The following SRC variants were observed in gnomAD, a reference collection of about 807,000 sequenced individuals.
SRC encodes the protein SRC proto-oncogene, non-receptor tyrosine kinase.
SRC carries 13 observed loss-of-function variants against 62.9 expected under a neutral mutation model. The observed-to-expected ratio is 0.21, with a 90% CI of 0.13 to 0.33. The LOEUF is 0.33. Ranked by LOEUF, SRC falls within the 10% of genes least tolerant of loss-of-function variation. SRC has a pLI of 1.00. For synonymous variants in SRC, 302 were observed against 317.5 expected (o/e 0.95, Z 0.52); for missense variants, 457 against 737.3 (o/e 0.62, Z 4.40).
rs2070764440 is a variant in SRC at position 37,402,967 on chromosome 20, T to C, written c.1402+87T>C. 7 of 1,504,362 alleles carry C rather than the reference T, an allele frequency of 4.7e-6. No homozygotes were observed. The highest frequency in any genetic ancestry group is 2.8e-5 in the African/African-American group (2 of 71,500). The allele number at this position is 1,504,362 out of a possible 1,614,324, so 93.2% of individuals were successfully genotyped here. A position where few individuals can be genotyped will look rare whatever the true frequency, so the allele number is the denominator to read the frequency against. ...CAAGTCATGACTCCTGCTGGGCCTG[T>C]TTCCCCACCCGTAAAACAAAGAAGT... On this transcript the variant is annotated intron_variant, in intron 13 of 13. Coordinates refer to ENST00000373578, the MANE Select transcript of SRC (RefSeq NM_198291.3). This position sits in a 1 kb window ranked among gnomAD's most constrained non-coding sequence, Gnocchi z 6.2.
intron 1 of SRC, among the ~76,000 whole-genome samples, chr20:37,350,144 C>T (rs1231766692): frequency 2.0e-5 from 3 of 152,202 alleles, no homozygotes; most frequent in Non-Finnish European, 4.4e-5. Context: ...CCTTCCCCTC[C>T]ATGGCCCCCA....
chr20:37,372,816 A>C (rs1008873591), intron 2 of SRC, among the ~76,000 whole-genome samples: 4 of 152,054 alleles, frequency 2.6e-5, no homozygotes, highest in Admixed American at 6.6e-5. Flanking sequence ...AGAAAAAAAA[A>C]CACCCTTACC....
At chr20:37,385,284 C>T (rs980589938) in intron 4 of SRC, among the ~76,000 whole-genome samples, 1 of 152,198 alleles carries the variant, frequency 6.6e-6, no homozygotes, top group Non-Finnish European at 1.5e-5. Context: ...CAGGCGTGGA[C>T]CCTTCAGACG....
chr20:37,368,987 G>A (rs769675270), intron 2 of SRC, among the ~76,000 whole-genome samples: 20 of 152,172 alleles, frequency 1.3e-4, no homozygotes, highest in Non-Finnish European at 2.4e-4. Context: ...TGGCACCCTT[G>A]CATAAAATCA....
chr20:37,348,156 C>T (rs556158669), intron 1 of SRC, among the ~76,000 whole-genome samples: 5 of 152,308 alleles, frequency 3.3e-5, no homozygotes, highest in East Asian at 1.9e-4. Flanking sequence ...GCCCTTGCCC[C>T]GCCAGGCTTA....
rs929682222 is a variant in SRC, at chr20:37,396,039, G to T, written c.554-123G>T. On this transcript the variant is annotated intron_variant, in intron 7 of 13. Transcript: ENST00000373578. This position sits in a 1 kb window ranked among gnomAD's most constrained non-coding sequence, Gnocchi z 6.1. ...GGGCTGGCTGTTGAGAGACAGGGTG[G>T]GCCTGGGGCCCCGCCTGGGCCTCCC... 7.1e-6 allele frequency: 10 copies of T among 1,408,566 alleles called. No individual in the cohort carries two copies. The African/African-American group carries it at 1.3e-4, about 18-fold the overall frequency. The allele number at this position is 1,408,566 out of a possible 1,614,324, so 87.3% of individuals were successfully genotyped here. A position where few individuals can be genotyped will look rare whatever the true frequency, so the allele number is the denominator to read the frequency against.
At chr20:37,369,167 G>A (rs2070123523) in intron 2 of SRC, among the ~76,000 whole-genome samples, 1 of 152,140 alleles carries the variant, frequency 6.6e-6, no homozygotes, top group Non-Finnish European at 1.5e-5. Context: ...GCTATTCTGG[G>A]TCCCATGACT....
intron 10 of SRC, 25 bp downstream of exon 10, chr20:37,400,319 G>T (rs1285647882): frequency 1.9e-6 from 3 of 1,586,112 alleles, no homozygotes; most frequent in East Asian, 4.5e-5. Context: ...GCCGGGGCAG[G>T]GGGCAGGGGC....
Position 37,402,997 on chromosome 20 carries a change from C to A in SRC, c.1402+117C>A. 7.1e-7 allele frequency: 1 copy of A among 1,416,874 alleles called. No homozygotes were observed. Among genetic ancestry groups the A allele is most frequent in the East Asian group, 2.4e-5 (1 of 42,374 alleles). The allele number at this position is 1,416,874 out of a possible 1,614,324, so 87.8% of individuals were successfully genotyped here. ...CCACCCGTAAAACAAAGAAGTTGAGCGTCTGATGTTAGGCTCTCTCGATGG... is the reference window on the plus strand; with the variant it reads ...CCACCCGTAAAACAAAGAAGTTGAGAGTCTGATGTTAGGCTCTCTCGATGG... On this transcript the variant is annotated intron_variant, in intron 13 of 13. Transcript: ENST00000373578. The surrounding 1 kb of genome is among the most constrained non-coding windows in gnomAD (Gnocchi z 6.2).
chr20:37,355,904 G>A (rs2069876081), intron 1 of SRC, among the ~76,000 whole-genome samples: 1 of 152,208 alleles, frequency 6.6e-6, no homozygotes, highest in African/African-American at 2.4e-5. Flanking sequence ...TGGCTGATCA[G>A]GCAGAGCCTC....
chr20:37,377,623 G>A (rs191342151), intron 2 of SRC, among the ~76,000 whole-genome samples: 3 of 152,322 alleles, frequency 2.0e-5, no homozygotes, highest in East Asian at 1.9e-4. Context: ...CATGGGAGAC[G>A]GCAGCACCAC....
rs984277412 is a variant in SRC at position 37,401,646 on chromosome 20, C to T, written c.1084C>T (p.Arg362Trp). The change falls in exon 11 of 14, where the codon CGG (arginine) becomes TGG (tryptophan). Residue 362 changes from arginine to tryptophan, a missense_variant. Arg to Trp is a moderately radical substitution (Grantham distance 101). Transcript: ENST00000373578. ...CAAGGGGGAGACAGGCAAGTACCTG[C>T]GGCTGCCTCAGCTGGTGGACATGGC... ...FLKGETGKYL[R>W]LPQLVDMAAQ... is the part of the protein sequence containing the mutation. 5 of 1,610,122 alleles carry T rather than the reference C, an allele frequency of 3.1e-6. No individual in the cohort carries two copies. The highest frequency in any genetic ancestry group is 4.2e-6 in the Non-Finnish European group (5 of 1,178,464).
At chr20:37,359,971 GA>G (rs2069941973) in intron 1 of SRC, among the ~76,000 whole-genome samples, 1 of 151,862 alleles carries the variant, frequency 6.6e-6, no homozygotes, top group Non-Finnish European at 1.5e-5. Flanking sequence ...CATGTTCATA[GA>G]ATGAACCCCA....
At chr20:37,367,511 A>AT (rs2070082616) in intron 2 of SRC, among the ~76,000 whole-genome samples, 1 of 145,300 alleles carries the variant, frequency 6.9e-6, no homozygotes, top group Non-Finnish European at 1.5e-5. Context: ...AATGTAATCT[A>AT]TTTTTTTCCT....
chr20:37,356,339 G>T (rs765649813), intron 1 of SRC, among the ~76,000 whole-genome samples: 1 of 152,184 alleles, frequency 6.6e-6, no homozygotes, highest in African/African-American at 2.4e-5. Flanking sequence ...CCTGCTCCTC[G>T]GGCAGTGAGG....
rs542879057 is a variant in SRC at position 37,400,015 on chromosome 20, G to T, written c.860-100G>T. ...ACTGGGTTTGTCACATGGCTGTGGA[G>T]GCCACAGCTGACACTGGCGCCCAGG... On this transcript the variant is annotated intron_variant, in intron 9 of 13. Coordinates refer to ENST00000373578, the MANE Select transcript of SRC (RefSeq NM_198291.3). 73 of 1,213,512 alleles carry T rather than the reference G, an allele frequency of 6.0e-5. No homozygotes were observed. In the African/African-American group the frequency reaches 1.1e-3, roughly 18 times the overall value. 75.2% of individuals were successfully genotyped at this position (1,213,512 alleles called of 1,614,324 possible).
chr20:37,386,380 C>T lies in SRC; in HGVS notation c.350+206C>T. The T allele has an allele frequency of 4.2e-6, 3 of 720,860 alleles. No homozygotes were observed. In the South Asian group the frequency reaches 4.4e-5, roughly 11 times the overall value. 44.7% of individuals were successfully genotyped at this position (720,860 alleles called of 1,614,324 possible). A position where few individuals can be genotyped will look rare whatever the true frequency, so the allele number is the denominator to read the frequency against. On this transcript the variant is annotated intron_variant, in intron 5 of 13. Coordinates refer to ENST00000373578, the MANE Select transcript of SRC (RefSeq NM_198291.3). ...CTCCCCCAGCCATGGGGAACTCCTC[C>T]CAATCCCTGGCTCTCGCTTGCTCCC...
At chr20:37,358,264 G>C (rs2069912666) in intron 1 of SRC, among the ~76,000 whole-genome samples, 1 of 152,164 alleles carries the variant, frequency 6.6e-6, no homozygotes, top group Admixed American at 6.5e-5. Flanking sequence ...TTGTTTTTGT[G>C]GGGAGTAAGG....
intron 2 of SRC, among the ~76,000 whole-genome samples, chr20:37,367,914 G>T (rs2070090091): frequency 6.6e-6 from 1 of 152,124 alleles, no homozygotes; most frequent in East Asian, 1.9e-4. Flanking sequence ...AAAGCACTGG[G>T]ATTACATGCA....
Sources: gnomAD v4.1 joint callset for allele counts (sites outside exome capture counted in the v4.1 genomes callset) on GRCh38, gnomAD v4.1.1 for gene constraint, Gnocchi (gnomAD v3.1) non-coding constraint, MANE v1.5 for transcripts, NCBI Gene and HGNC (gene_info 2026-07-23, HGNC 2026-07-21) for gene names.